Variants in SPEN observed in about 807,000 individuals in gnomAD.
SPEN encodes the protein msx2-interacting protein.
Under a neutral mutation model 269.9 loss-of-function variants are expected in SPEN, and 18 were observed. The observed-to-expected ratio is 0.07, with a 90% CI of 0.05 to 0.10. SPEN has a LOEUF of 0.10. Ranked by LOEUF, SPEN falls within the 10% of genes least tolerant of loss-of-function variation. The pLI, the probability that SPEN is intolerant of heterozygous loss-of-function variation, is 1.00. For synonymous variants in SPEN, 1,726 were observed against 1,765.7 expected (o/e 0.98, Z 0.56); for missense variants, 3,822 against 4,631.2 (o/e 0.83, Z 5.07).
intron 1 of SPEN, among the ~76,000 whole-genome samples, chr1:15,868,872 A>ATT: frequency 6.6e-6 from 1 of 152,260 alleles, no homozygotes; most frequent in South Asian, 2.1e-4. Context: ...CATATTACAA[A>ATT]TTTTACTGTC....
chr1:15,848,841 C>A lies in SPEN; in HGVS notation c.83+691C>A, dbSNP rs895244009. 6.6e-6 allele frequency among the ~76,000 whole-genome samples: 1 copy of A among 151,980 alleles called. No homozygotes were observed. Among genetic ancestry groups the A allele is most frequent in the African/African-American group, 2.4e-5 (1 of 41,380 alleles). On this transcript the variant is annotated intron_variant, in intron 1 of 14. Transcript: ENST00000375759. The surrounding 1 kb of genome is among the most constrained non-coding windows in gnomAD (Gnocchi z 5.1). ...CTTCCTCGTCCCCGGCGGAGGAGAC[C>A]GCGTCTGACAGGAGGTTGCTAGCCC...
intron 9 of SPEN, among the ~76,000 whole-genome samples, chr1:15,921,639 AATG>A (rs2071121022): frequency 6.6e-6 from 1 of 152,176 alleles, no homozygotes; most frequent in Non-Finnish European, 1.5e-5. Context: ...CAGCATCCTG[AATG>A]ATATGTCTTT....
rs1304954370 is a variant in SPEN at position 15,936,248 on chromosome 1, G to T, written c.10008G>T (p.Arg3336=). 2 of 1,549,816 alleles carry T rather than the reference G, an allele frequency of 1.3e-6. No homozygotes were observed. The highest frequency in any genetic ancestry group is 8.8e-7 in the Non-Finnish European group (1 of 1,140,090). Residue 3336 remains arginine (R), a synonymous_variant, in exon 11 of 15, where the codon CGG becomes CGT. Transcript: ENST00000375759. ...CTTCCTCTGTTGGCCTGCCTTCCCG[G>T]ACCAAGACAGCTGCTCAGGTGAGCC... ...PAASSVGLPS[R]TKTAAQGPPP... is the part of the protein sequence containing the mutation.
At chr1:15,921,651 T>G (rs949809909) in intron 9 of SPEN, among the ~76,000 whole-genome samples, 3 of 152,340 alleles carry the variant, frequency 2.0e-5, no homozygotes, top group East Asian at 3.9e-4. Context: ...TGATATGTCT[T>G]TCTTTCCTTT....
At position 15,937,386 on chromosome 1, in the gene SPEN, C is replaced by G. The variant is rs1486274869; in HGVS notation, c.10250C>G (p.Thr3417Ser). Residue 3417 changes from threonine (T) to serine (S), a missense_variant, in exon 12 of 15, where the codon ACC becomes AGC. Thr to Ser is a moderately conservative substitution (Grantham distance 58). Transcript: ENST00000375759. The surrounding 1 kb of genome is among the most constrained non-coding windows in gnomAD (Gnocchi z 5.7). ...GPANRPPEPH[T>S]QVQRAQAETG... is the part of the protein sequence containing the mutation. ...GCAAACAGGCCACCTGAGCCTCACA[C>G]CCAGGTTCAGAGGGCACAAGCAGAA... 6.2e-6 allele frequency: 10 copies of G among 1,613,822 alleles called. No individual in the cohort carries two copies. The highest frequency in any genetic ancestry group is 1.7e-5 in the Admixed American group (1 of 59,992).
intron 3 of SPEN, among the ~76,000 whole-genome samples, chr1:15,892,022 T>C (rs947884711): frequency 7.4e-5 from 10 of 134,750 alleles, no homozygotes; most frequent in African/African-American, 2.8e-4. Context: ...CTTTTTTTTT[T>C]TTTTTTTTTT....
Position 15,931,429 on chromosome 1 carries a change from A to C in SPEN, c.5189A>C (p.Tyr1730Ser), listed in dbSNP as rs1479941778. 5.0e-6 allele frequency: 8 copies of C among 1,614,044 alleles called. No individual in the cohort carries two copies. The highest frequency in any genetic ancestry group is 6.8e-6 in the Non-Finnish European group (8 of 1,180,032). Residue 1730 changes from tyrosine to serine, a missense_variant, in exon 11 of 15, where the codon TAT becomes TCT. Tyr to Ser is a moderately radical substitution (Grantham distance 144). This residue lies in a region of SPEN where 533 missense variants were observed against 618.8 expected (regional missense o/e 0.86). Coordinates refer to ENST00000375759, the MANE Select transcript of SPEN (RefSeq NM_015001.3). This position sits in a 1 kb window ranked among gnomAD's most constrained non-coding sequence, Gnocchi z 4.8. ...GGTTCATCAGGTGACCAGCCGCCTTATCTGGATGCCAAGCCTCCAACTCCC... is the reference window on the plus strand; with the variant it reads ...GGTTCATCAGGTGACCAGCCGCCTTCTCTGGATGCCAAGCCTCCAACTCCC... ...EEGSSGDQPP[Y>S]LDAKPPTPGA...
chr1:15,930,448 G>A lies in SPEN; in HGVS notation c.4208G>A (p.Arg1403Gln), dbSNP rs1308286819. Residue 1403 changes from arginine to glutamine, a missense_variant, in exon 11 of 15, where the codon CGA becomes CAA. By Grantham distance (43) the Arg-to-Gln change is conservative. Around this residue, in one of 16 missense-constraint regions of SPEN, gnomAD observed 267 missense variants for 315.5 expected, o/e 0.85. Transcript: ENST00000375759. This position sits in a 1 kb window ranked among gnomAD's most constrained non-coding sequence, Gnocchi z 5.3. The stretch of plus-strand genomic sequence containing the variant: ...GCCTCTGCATTATATGAAAGTTCTC[G>A]ATTGTCTTTTTTATTGAGGGACAGA... ...PRASALYESS[R>Q]LSFLLRDRED... 12 of 1,614,072 alleles carry A rather than the reference G, an allele frequency of 7.4e-6. No individual in the cohort carries two copies. Among genetic ancestry groups the A allele is most frequent in the Middle Eastern group, 1.6e-4 (1 of 6,084 alleles).
intron 3 of SPEN, among the ~76,000 whole-genome samples, chr1:15,884,923 C>T (rs1233138111): frequency 6.6e-6 from 1 of 151,910 alleles, no homozygotes; most frequent in Non-Finnish European, 1.5e-5. Flanking sequence ...GATGGGTTTT[C>T]GCCATGTTGA....
At chr1:15,922,055 C>T (rs1243326430) in intron 9 of SPEN, among the ~76,000 whole-genome samples, 194 bp from the exon 10 acceptor site, 2 of 152,106 alleles carry the variant, frequency 1.3e-5, no homozygotes, top group East Asian at 3.8e-4. Context: ...ATTCTTTTAT[C>T]ACGGTTTATA....
At chr1:15,898,586 G>T (rs2070865590) in intron 3 of SPEN, among the ~76,000 whole-genome samples, 3 of 137,588 alleles carry the variant, frequency 2.2e-5, no homozygotes. Context: ...TTGAGACAGA[G>T]TCTCACTCTG....
At chr1:15,861,971 G>A (rs916249610) in intron 1 of SPEN, among the ~76,000 whole-genome samples, 11 of 152,188 alleles carry the variant, frequency 7.2e-5, no homozygotes, top group Non-Finnish European at 1.5e-4. Flanking sequence ...GAACCTGGGA[G>A]GCCGAGGTTG....
At position 15,937,967 on chromosome 1, in the gene SPEN, G is replaced by A. The variant is rs755741552; in HGVS notation, c.10665G>A (p.Leu3555=). 5 of 1,612,664 alleles carry A rather than the reference G, an allele frequency of 3.1e-6. No individual in the cohort carries two copies. The highest frequency in any genetic ancestry group is 4.2e-6 in the Non-Finnish European group (5 of 1,179,638). ...TAAGGATCGCCCAGAGGATGCGGCT[G>A]GAGGCAACGCAGCTGGAAGGGGTTG... The part of the protein sequence containing the change: ...PPLRIAQRMR[L]EATQLEGVAR... Residue 3555 remains leucine (L), a synonymous_variant, in exon 13 of 15, where the codon CTG becomes CTA. Transcript: ENST00000375759. The surrounding 1 kb of genome is among the most constrained non-coding windows in gnomAD (Gnocchi z 5.7).
intron 3 of SPEN, 75 bp downstream of exon 3, chr1:15,876,753 C>T: frequency 9.2e-7 from 1 of 1,091,136 alleles, no homozygotes; most frequent in South Asian, 1.4e-5. Context: ...GGAATGGTTT[C>T]AGCATAGTAT....
rs779552895 is a variant in SPEN at position 15,934,713 on chromosome 1, G to A, written c.8473G>A (p.Glu2825Lys). 1.2e-6 allele frequency: 2 copies of A among 1,614,130 alleles called. No individual in the cohort carries two copies. The highest frequency in any genetic ancestry group is 1.7e-6 in the Non-Finnish European group (2 of 1,180,022). Residue 2825 changes from glutamate (E) to lysine (K), a missense_variant, in exon 11 of 15, where the codon GAA becomes AAA. This residue lies in a region of SPEN where 329 missense variants were observed against 431.2 expected (regional missense o/e 0.76). Transcript: ENST00000375759. This position sits in a 1 kb window ranked among gnomAD's most constrained non-coding sequence, Gnocchi z 9.2. ...VLLSYSGQKT[E>K]GPQRISAKIS... ...CCTGAGTTACTCAGGGCAGAAGACC[G>A]AAGGCCCACAGCGGATCAGCGCCAA...
chr1:15,923,437 A>G (rs2071137142), intron 10 of SPEN, among the ~76,000 whole-genome samples: 2 of 152,160 alleles, frequency 1.3e-5, no homozygotes, highest in East Asian at 1.9e-4. Flanking sequence ...CCACCCCTAT[A>G]TGTGTTAGAC....
At chr1:15,920,065 AATTT>A (rs2071103751) in intron 8 of SPEN, among the ~76,000 whole-genome samples, 1 of 150,046 alleles carries the variant, frequency 6.7e-6, no homozygotes. Flanking sequence ...TTTTTTTTTA[AATTT>A]ATTTATTTAT....
intron 3 of SPEN, among the ~76,000 whole-genome samples, chr1:15,899,060 G>T (rs1432449467): frequency 6.6e-6 from 1 of 152,040 alleles, no homozygotes; most frequent in East Asian, 1.9e-4. Context: ...TAGTGGAATC[G>T]CTGGTTCAGT....
At chr1:15,877,192 G>A (rs1448540051) in intron 3 of SPEN, among the ~76,000 whole-genome samples, 1 of 152,120 alleles carries the variant, frequency 6.6e-6, no homozygotes, top group Non-Finnish European at 1.5e-5. Flanking sequence ...AACTCAAGTA[G>A]AAAAGCTTCC....
Sources: gnomAD v4.1 joint callset for allele counts (sites outside exome capture counted in the v4.1 genomes callset) on GRCh38, gnomAD v4.1.1 for gene constraint, gnomAD v4.1.1 regional missense constraint, Gnocchi (gnomAD v3.1) non-coding constraint, MANE v1.5 for transcripts, NCBI Gene and HGNC (gene_info 2026-07-23, HGNC 2026-07-21) for gene names.